AMPH: variants seen among roughly 807,000 people sequenced by gnomAD.
AMPH encodes the protein amphiphysin, also known as amphiphysin (Stiff-Mann syndrome with breast cancer 128kD autoantigen).
A neutral mutation model predicts 99.1 loss-of-function variants in AMPH; 49 were observed. The observed-to-expected ratio is 0.49, with a 90% CI of 0.39 to 0.63. AMPH has a LOEUF of 0.63. AMPH is among the 20% of genes least tolerant of loss of function. The pLI is 0.00. For missense variants in AMPH, 759 were observed against 863.4 expected, an observed-to-expected ratio of 0.88 and a Z score of 1.52; for synonymous variants, 314 against 317.3, an observed-to-expected ratio of 0.99 and a Z score of 0.11.
At chr7:38,503,445 CAT>C (rs1401864763) in intron 3 of AMPH, among the ~76,000 whole-genome samples, 1 of 132,746 alleles carries the variant, frequency 7.5e-6, no homozygotes, top group Non-Finnish European at 1.5e-5. Context: ...TAAGGGCACA[CAT>C]ATTTTTTCCT....
intron 1 of AMPH, among the ~76,000 whole-genome samples, chr7:38,598,793 A>G (rs563317214): frequency 7.9e-5 from 12 of 152,050 alleles, no homozygotes; most frequent in Admixed American, 3.9e-4. Flanking sequence ...TAACTGATTA[A>G]TTTTTTGGTA....
intron 5 of AMPH, among the ~76,000 whole-genome samples, chr7:38,479,498 GT>G (rs1788211624): frequency 6.6e-6 from 1 of 151,968 alleles, no homozygotes; most frequent in Non-Finnish European, 1.5e-5. Context: ...AAAAGATTTT[GT>G]TTTCCTACTT....
At position 38,604,255 on chromosome 7, in the gene AMPH, A is replaced by C. The variant is rs115641468; in HGVS notation, c.69+27028T>G. ...ACACACAGAAACAATGCATAGCAAC[A>C]GATCTAGAAAACGAATAATCATACA... On this transcript the variant is annotated intron_variant, in intron 1 of 20. Transcript: ENST00000356264. 7.8e-3 allele frequency among the ~76,000 whole-genome samples: 1,185 copies of C among 152,360 alleles called. 13 individuals carry two copies. The highest frequency in any genetic ancestry group is 0.027 in the African/African-American group (1,112 of 41,580).
intron 5 of AMPH, among the ~76,000 whole-genome samples, chr7:38,483,160 C>T (rs1203496415): frequency 6.6e-6 from 1 of 152,004 alleles, no homozygotes; most frequent in Non-Finnish European, 1.5e-5. Flanking sequence ...TGACTTCTAC[C>T]CAAGGGAGTG....
intron 1 of AMPH, among the ~76,000 whole-genome samples, chr7:38,567,397 G>A (rs918758148): frequency 1.3e-5 from 2 of 152,130 alleles, no homozygotes; most frequent in Non-Finnish European, 2.9e-5. Flanking sequence ...AGGGGTTGGG[G>A]GCTGGGGGAT....
intron 11 of AMPH, among the ~76,000 whole-genome samples, chr7:38,440,715 C>T (rs1192198451): frequency 6.6e-6 from 1 of 151,996 alleles, no homozygotes; most frequent in Non-Finnish European, 1.5e-5. Context: ...GAAAGTTAGA[C>T]TGTGATAAAT....
At chr7:38,500,252 A>G (rs1049736781) in intron 3 of AMPH, among the ~76,000 whole-genome samples, 4 of 152,324 alleles carry the variant, frequency 2.6e-5, no homozygotes, top group Non-Finnish European at 4.4e-5. Flanking sequence ...GGGCTCTGAG[A>G]AACTCAGTAG....
chr7:38,451,044 T>C (rs879608699), intron 11 of AMPH, among the ~76,000 whole-genome samples: 6 of 150,700 alleles, frequency 4.0e-5, no homozygotes, highest in African/African-American at 7.3e-5. Flanking sequence ...AGACACATAC[T>C]GCCATGCCCA....
At chr7:38,506,527 T>C (rs1179421496) in intron 2 of AMPH, among the ~76,000 whole-genome samples, 1 of 152,144 alleles carries the variant, frequency 6.6e-6, no homozygotes, top group Non-Finnish European at 1.5e-5. Flanking sequence ...ATCTGAAATT[T>C]ACCTGGACAA....
chr7:38,478,568 T>C (rs960592339), intron 5 of AMPH, among the ~76,000 whole-genome samples: 1 of 151,472 alleles, frequency 6.6e-6, no homozygotes, highest in African/African-American at 2.4e-5. Context: ...AATTACAAAA[T>C]ACACAAAAAC....
At position 38,519,290 on chromosome 7, in the gene AMPH, C is replaced by T. The variant is rs749315857; in HGVS notation, c.151-15586G>A. On this transcript the variant is annotated intron_variant, in intron 2 of 20. Transcript: ENST00000356264. ...ATCTCTAGGTAAACTTTATTTCCAG[C>T]GATGCAGACATGCACCAATTCACTT... 3.3e-4 allele frequency among the ~76,000 whole-genome samples: 50 copies of T among 152,140 alleles called. 1 individual carries two copies. The highest frequency in any genetic ancestry group is 1.7e-3 in the South Asian group (8 of 4,832).
intron 20 of AMPH, 45 bp from the exon 21 acceptor site, chr7:38,384,970 AAAAT>A: frequency 6.6e-7 from 1 of 1,514,712 alleles, no homozygotes; most frequent in Non-Finnish European, 9.2e-7. Context: ...AAACTACTGG[AAAAT>A]CCACACTGCC....
intron 11 of AMPH, among the ~76,000 whole-genome samples, chr7:38,440,069 G>C (rs1050830415): frequency 6.6e-6 from 1 of 152,142 alleles, no homozygotes; most frequent in Non-Finnish European, 1.5e-5. Context: ...GTGAAAAGTA[G>C]AGCCTTGCAT....
At chr7:38,429,027 G>T (rs752185694) in intron 14 of AMPH, 1 of 1,290,098 alleles carries the variant, frequency 7.8e-7, no homozygotes, top group African/African-American at 1.5e-5. Context: ...ACCTTCTAGT[G>T]TCTTGATATC....
intron 3 of AMPH, among the ~76,000 whole-genome samples, chr7:38,498,585 T>A (rs1294204752): frequency 6.6e-6 from 1 of 152,176 alleles, no homozygotes; most frequent in Non-Finnish European, 1.5e-5. Flanking sequence ...TCAATGCTTA[T>A]CTCAGTGCCT....
intron 2 of AMPH, among the ~76,000 whole-genome samples, chr7:38,518,734 G>A (rs1203377625): frequency 6.6e-6 from 1 of 152,154 alleles, no homozygotes; most frequent in Non-Finnish European, 1.5e-5. Flanking sequence ...ATCCACATAT[G>A]ATTTATACAG....
intron 1 of AMPH, among the ~76,000 whole-genome samples, chr7:38,563,590 A>G (rs1791629484): frequency 6.6e-6 from 1 of 152,192 alleles, no homozygotes; most frequent in South Asian, 2.1e-4. Context: ...GGGCTCAGTA[A>G]ATATTTGGGG....
chr7:38,568,839 T>C (rs748530839), intron 1 of AMPH, among the ~76,000 whole-genome samples: 3 of 152,194 alleles, frequency 2.0e-5, no homozygotes, highest in Non-Finnish European at 4.4e-5. Context: ...ATGGAATTAA[T>C]GAGAGCTGAA....
At chr7:38,587,241 G>C (rs1446250511) in intron 1 of AMPH, among the ~76,000 whole-genome samples, 2 of 152,172 alleles carry the variant, frequency 1.3e-5, no homozygotes, top group African/African-American at 4.8e-5. Flanking sequence ...GTACTTCAAA[G>C]CACCTTTAAT....
Sources: gnomAD v4.1 joint callset for allele counts (sites outside exome capture counted in the v4.1 genomes callset) on GRCh38, gnomAD v4.1.1 for gene constraint, MANE v1.5 for transcripts, NCBI Gene and HGNC (gene_info 2026-07-23, HGNC 2026-07-21) for gene names.